RTN1: variants seen among roughly 807,000 people sequenced by gnomAD.
RTN1 encodes reticulon 1.
Under a neutral mutation model 65.5 loss-of-function variants are expected in RTN1, and 25 were observed. The ratio of observed to expected loss-of-function variants is 0.38; its 90% CI spans 0.28 to 0.53. The LOEUF is 0.53. Among genes scored for constraint, RTN1 ranks in the 20% least tolerant of loss-of-function variants. The probability of loss-of-function intolerance (pLI) is 0.79; values close to 1 mark genes in which losing one functional copy is unlikely to be tolerated. For synonymous variants in RTN1, 471 were observed against 447.6 expected (o/e 1.05, Z -0.66); for missense variants, 983 against 1,025.4 (o/e 0.96, Z 0.57).
chr14:59,783,985 C>T lies in RTN1; in HGVS notation c.242-37504G>A, dbSNP rs73302031. Among the ~76,000 whole-genome samples the T allele has an allele frequency of 4.6e-3, 688 of 150,522 alleles. 8 individuals are homozygous for T. The highest frequency in any genetic ancestry group is 0.016 in the African/African-American group (651 of 41,056). On this transcript the variant is annotated intron_variant, in intron 1 of 8. Coordinates refer to ENST00000267484, the MANE Select transcript of RTN1 (RefSeq NM_021136.3). ...TGATTTCCAGACAGGGGCTTGGATC[C>T]TTAGAAACACTTATTGGCTGTTTGT...
chr14:59,770,409 A>T (rs893080888), intron 1 of RTN1, among the ~76,000 whole-genome samples: 4 of 149,608 alleles, frequency 2.7e-5, no homozygotes, highest in Admixed American at 1.3e-4. Context: ...AAAAAAGAAC[A>T]TAGAACTTAG....
At chr14:59,819,495 C>T (rs1393870532) in intron 1 of RTN1, among the ~76,000 whole-genome samples, 1 of 145,562 alleles carries the variant, frequency 6.9e-6, no homozygotes. Context: ...TAAAAGTTCT[C>T]CAAGCCCCCA....
chr14:59,809,576 G>T (rs1211817081), intron 1 of RTN1, among the ~76,000 whole-genome samples: 1 of 152,092 alleles, frequency 6.6e-6, no homozygotes, highest in Non-Finnish European at 1.5e-5. Flanking sequence ...GAAATATAAA[G>T]GTAAATAGAA....
At chr14:59,788,040 A>T (rs1431919684) in intron 1 of RTN1, among the ~76,000 whole-genome samples, 1 of 152,072 alleles carries the variant, frequency 6.6e-6, no homozygotes, top group African/African-American at 2.4e-5. Flanking sequence ...TCACATTTAC[A>T]ATTATTGATC....
chr14:59,837,972 G>T (rs774961434), intron 1 of RTN1, among the ~76,000 whole-genome samples: 2 of 152,010 alleles, frequency 1.3e-5, no homozygotes, highest in Non-Finnish European at 2.9e-5. Context: ...TTAGATTCAG[G>T]GGGTACATGT....
intron 1 of RTN1, among the ~76,000 whole-genome samples, chr14:59,763,023 T>A (rs1200944782): frequency 1.3e-5 from 2 of 152,180 alleles, no homozygotes; most frequent in African/African-American, 4.8e-5. Context: ...TGGAATGCAA[T>A]TTATAAAAAT....
intron 3 of RTN1, among the ~76,000 whole-genome samples, chr14:59,626,994 CTTAGTG>C (rs974077294): frequency 3.9e-5 from 6 of 152,266 alleles, no homozygotes; most frequent in African/African-American, 9.6e-5. Context: ...CTTTCTCTAA[CTTAGTG>C]TTAGTAAGAT....
At chr14:59,859,386 C>T (rs1361291492) in intron 1 of RTN1, among the ~76,000 whole-genome samples, 1 of 152,202 alleles carries the variant, frequency 6.6e-6, no homozygotes, top group Non-Finnish European at 1.5e-5. Context: ...CTTGCTCCTC[C>T]TTGCTTTCCA....
chr14:59,751,153 T>C (rs906065483), intron 1 of RTN1, among the ~76,000 whole-genome samples: 1 of 151,754 alleles, frequency 6.6e-6, no homozygotes, highest in African/African-American at 2.4e-5. Context: ...AACAGACTAG[T>C]TGAAATCTAT....
At chr14:59,805,354 A>G (rs1886618026) in intron 1 of RTN1, among the ~76,000 whole-genome samples, 1 of 152,190 alleles carries the variant, frequency 6.6e-6, no homozygotes, top group Non-Finnish European at 1.5e-5. Flanking sequence ...ATTCTGAAAC[A>G]GTTTCTGACA....
intron 1 of RTN1, among the ~76,000 whole-genome samples, chr14:59,808,002 G>A (rs1886666508): frequency 6.6e-6 from 1 of 152,280 alleles, no homozygotes; most frequent in African/African-American, 2.4e-5. Context: ...CATACAGGAT[G>A]TTTGCAATTG....
intron 1 of RTN1, among the ~76,000 whole-genome samples, chr14:59,824,001 C>T (rs538572233): frequency 6.6e-6 from 1 of 152,260 alleles, no homozygotes; most frequent in African/African-American, 2.4e-5. Flanking sequence ...ACTGAGTTTT[C>T]TTTCTTGTAT....
intron 1 of RTN1, among the ~76,000 whole-genome samples, chr14:59,852,008 A>G (rs1006381531): frequency 1.7e-4 from 26 of 152,202 alleles, no homozygotes; most frequent in Admixed American, 1.7e-3. Flanking sequence ...TTTTGGTAAA[A>G]TAGGAACAGT....
intron 3 of RTN1, among the ~76,000 whole-genome samples, chr14:59,671,760 A>C (rs1165185526): frequency 6.6e-6 from 1 of 152,210 alleles, no homozygotes; most frequent in Non-Finnish European, 1.5e-5. Context: ...TTTGAACCTG[A>C]AAAGGCCAAT....
At chr14:59,845,666 G>A (rs35023379) in intron 1 of RTN1, among the ~76,000 whole-genome samples, 8,932 of 152,208 alleles carry the variant, frequency 0.059, 322 homozygotes, top group Non-Finnish European at 0.088. Flanking sequence ...ACTATGGCCT[G>A]TTCACCAACC....
At chr14:59,675,593 TTTTATAATAATTTAA>T (rs1294893918) in intron 3 of RTN1, among the ~76,000 whole-genome samples, 1 of 149,662 alleles carries the variant, frequency 6.7e-6, no homozygotes, top group East Asian at 1.9e-4. Flanking sequence ...AATAATACAA[TTTTATAATAATTTAA>T]TAATAAATTA....
intron 3 of RTN1, among the ~76,000 whole-genome samples, chr14:59,631,608 T>G (rs1463578285): frequency 6.6e-6 from 1 of 152,198 alleles, no homozygotes; most frequent in Non-Finnish European, 1.5e-5. Context: ...TTTTAAATCT[T>G]ACCATAAACT....
chr14:59,858,926 AT>A (rs1265641844), intron 1 of RTN1, among the ~76,000 whole-genome samples: 1 of 152,226 alleles, frequency 6.6e-6, no homozygotes, highest in East Asian at 1.9e-4. Context: ...CAGATAACAT[AT>A]TTTATATTTA....
intron 6 of RTN1, 103 bp from the exon 7 acceptor site, chr14:59,603,361 G>C: frequency 1.2e-6 from 1 of 842,094 alleles, no homozygotes; most frequent in African/African-American, 1.8e-5. Flanking sequence ...GCATTATTTG[G>C]AATATACAGC....
Sources: gnomAD v4.1 joint callset for allele counts (sites outside exome capture counted in the v4.1 genomes callset) on GRCh38, gnomAD v4.1.1 for gene constraint, MANE v1.5 for transcripts, NCBI Gene and HGNC (gene_info 2026-07-23, HGNC 2026-07-21) for gene names.